TOX3: variants seen among roughly 807,000 people sequenced by gnomAD.
The protein encoded by TOX3 is CAG trinucleotide repeat-containing gene F9 protein.
In TOX3, 22 loss-of-function variants were observed where a neutral mutation model predicts 64.3. The observed-to-expected ratio is 0.34, with a 90% confidence interval of 0.24 to 0.49. The LOEUF is 0.49. TOX3 is among the 20% of genes least tolerant of loss of function. The probability of loss-of-function intolerance (pLI) is 0.99; values close to 1 mark genes in which losing one functional copy is unlikely to be tolerated. For missense variants in TOX3, 661 were observed against 714.4 expected (o/e 0.93, Z 0.85); for synonymous variants, 291 against 273.6 (o/e 1.06, Z -0.63).
At chr16:52,454,758 C>G (rs1960466632) in intron 3 of TOX3, among the ~76,000 whole-genome samples, 1 of 152,178 alleles carries the variant, frequency 6.6e-6, no homozygotes, top group Non-Finnish European at 1.5e-5. Flanking sequence ...GGCAATATAT[C>G]AAACCTTATA....
chr16:52,514,764 C>T (rs1381132648), intron 1 of TOX3, among the ~76,000 whole-genome samples: 3 of 152,100 alleles, frequency 2.0e-5, no homozygotes, highest in Non-Finnish European at 4.4e-5. Flanking sequence ...GTAATCCCAG[C>T]ACTTTGGGAG....
chr16:52,461,054 G>A (rs1960672449), intron 3 of TOX3, among the ~76,000 whole-genome samples: 1 of 152,094 alleles, frequency 6.6e-6, no homozygotes, highest in Non-Finnish European at 1.5e-5. Flanking sequence ...ACTGATGTCA[G>A]TGCTACTCAG....
At chr16:52,538,160 G>A (rs1404084318) in intron 1 of TOX3, among the ~76,000 whole-genome samples, 1 of 152,236 alleles carries the variant, frequency 6.6e-6, no homozygotes, top group South Asian at 2.1e-4. Flanking sequence ...TCTCATTAAA[G>A]ATAAGTTGGC....
In TOX3 at chr16:52,528,883, G is replaced by A. The variant is rs151297868; in HGVS notation, c.87+17754C>T. Among the ~76,000 whole-genome samples, 675 of 152,234 alleles carry A rather than the reference G, an allele frequency of 4.4e-3. 2 individuals are homozygous for A. Among genetic ancestry groups the A allele is most frequent in the Non-Finnish European group, 6.0e-3 (406 of 68,024 alleles). On this transcript the variant is annotated intron_variant, in intron 1 of 6. Transcript: ENST00000219746. ...CATGTGGCACCAGGCACTAGGCACC[G>A]GGCAGGCTTCCTGAAGCTAAAATGG...
At chr16:52,490,398 G>A (rs1048287945) in intron 1 of TOX3, among the ~76,000 whole-genome samples, 1 of 152,180 alleles carries the variant, frequency 6.6e-6, no homozygotes, top group South Asian at 2.1e-4. Flanking sequence ...TTATAGCAGT[G>A]TGAGAATGGA....
chr16:52,517,434 T>TG (rs1408997783), intron 1 of TOX3, among the ~76,000 whole-genome samples: 1 of 151,974 alleles, frequency 6.6e-6, no homozygotes, highest in East Asian at 1.9e-4. Flanking sequence ...GATGGTTTGT[T>TG]GGGGCAAAGT....
At chr16:52,511,458 C>T (rs532948127) in intron 1 of TOX3, among the ~76,000 whole-genome samples, 8 of 152,276 alleles carry the variant, frequency 5.3e-5, no homozygotes, top group African/African-American at 1.9e-4. Flanking sequence ...TGCCATTGCA[C>T]TCCAGCTCTG....
intron 1 of TOX3, among the ~76,000 whole-genome samples, chr16:52,519,061 C>T (rs1422108807): frequency 1.3e-5 from 2 of 152,160 alleles, no homozygotes; most frequent in East Asian, 1.9e-4. Context: ...AAGGACGACT[C>T]ACAAGACAAC....
chr16:52,442,253 G>T (rs116918705), intron 6 of TOX3, among the ~76,000 whole-genome samples: 2 of 152,124 alleles, frequency 1.3e-5, no homozygotes, highest in East Asian at 1.9e-4. Context: ...GTATCTTAAG[G>T]GGGGAGGTCT....
In TOX3 at chr16:52,546,968, C is replaced by G. The variant is rs1318879563; in HGVS notation, c.-245G>C. On this transcript the variant is annotated 5_prime_UTR_variant, in exon 1 of 7. Coordinates refer to ENST00000219746, the MANE Select transcript of TOX3 (RefSeq NM_001080430.4). Reference sequence around the variant, plus strand: ...CGGGGGGACGCGCCCCGCCGGGGCACCGAGGCAGCGCTGCGCGCGGGCCGG... The same window carrying G: ...CGGGGGGACGCGCCCCGCCGGGGCAGCGAGGCAGCGCTGCGCGCGGGCCGG... 1 of 978,156 alleles carries G rather than the reference C, an allele frequency of 1.0e-6. No homozygotes were observed. The highest frequency in any genetic ancestry group is 1.8e-5 in the African/African-American group (1 of 55,856). 60.6% of individuals were successfully genotyped at this position (978,156 alleles called of 1,614,324 possible).
At chr16:52,503,714 T>C (rs1270109878) in intron 1 of TOX3, among the ~76,000 whole-genome samples, 1 of 152,136 alleles carries the variant, frequency 6.6e-6, no homozygotes, top group African/African-American at 2.4e-5. Context: ...CTTCCAAAAA[T>C]AAGCAATAAA....
At chr16:52,480,330 A>G (rs753651149) in intron 1 of TOX3, among the ~76,000 whole-genome samples, 42 of 152,260 alleles carry the variant, frequency 2.8e-4, no homozygotes, top group Non-Finnish European at 5.3e-4. Flanking sequence ...AGAAATAAAA[A>G]GTCATGTAAG....
intron 1 of TOX3, among the ~76,000 whole-genome samples, chr16:52,500,555 T>C (rs927741859): frequency 6.6e-5 from 10 of 152,204 alleles, no homozygotes; most frequent in African/African-American, 2.4e-4. Flanking sequence ...CTACTAGATA[T>C]CAAAGGCTGA....
At chr16:52,522,479 A>G (rs1427075938) in intron 1 of TOX3, among the ~76,000 whole-genome samples, 1 of 152,208 alleles carries the variant, frequency 6.6e-6, no homozygotes, top group Non-Finnish European at 1.5e-5. Context: ...CCTCCTTTGA[A>G]GAAGTCTCGT....
chr16:52,469,558 T>C lies in TOX3; in HGVS notation c.88-984A>G, dbSNP rs115303931. On this transcript the variant is annotated intron_variant, in intron 1 of 6. Coordinates refer to ENST00000219746, the MANE Select transcript of TOX3 (RefSeq NM_001080430.4). ...TTCCTTGAATGCATCAAATAAAACA[T>C]AGGTTTGATCTCCAAAGGGTGAAAT... Among the ~76,000 whole-genome samples the C allele has an allele frequency of 4.0e-3, 608 of 152,276 alleles. 5 individuals are homozygous for C. Among genetic ancestry groups the C allele is most frequent in the African/African-American group, 0.014 (580 of 41,562 alleles).
chr16:52,498,243 T>C (rs1419956761), intron 1 of TOX3, among the ~76,000 whole-genome samples: 1 of 152,236 alleles, frequency 6.6e-6, no homozygotes, highest in Non-Finnish European at 1.5e-5. Flanking sequence ...TATACATTAG[T>C]GTACACTGTA....
chr16:52,454,469 TCA>T (rs577607149), intron 3 of TOX3, among the ~76,000 whole-genome samples: 1 of 152,192 alleles, frequency 6.6e-6, no homozygotes, highest in Non-Finnish European at 1.5e-5. Context: ...TCACCACGGT[TCA>T]CAGTTATCCC....
chr16:52,466,286 C>T (rs1452992234), intron 2 of TOX3, among the ~76,000 whole-genome samples: 1 of 151,988 alleles, frequency 6.6e-6, no homozygotes. Context: ...AATCATGACA[C>T]AGATAGAAAA....
intron 1 of TOX3, among the ~76,000 whole-genome samples, chr16:52,513,507 G>A (rs577807518): frequency 3.6e-4 from 55 of 152,284 alleles, no homozygotes; most frequent in Middle Eastern, 3.4e-3. Flanking sequence ...AAAACCTAAA[G>A]TCTCCTATAG....
Sources: gnomAD v4.1 joint callset for allele counts (sites outside exome capture counted in the v4.1 genomes callset) on GRCh38, gnomAD v4.1.1 for gene constraint, MANE v1.5 for transcripts, NCBI Gene and HGNC (gene_info 2026-07-23, HGNC 2026-07-21) for gene names.